Variants in FREM2 observed in about 807,000 individuals in gnomAD.
FREM2 encodes the protein FRAS1 related extracellular matrix 2, also known as FRAS1-related extracellular matrix protein 2.
Under a neutral mutation model 219.9 loss-of-function variants are expected in FREM2, and 119 were observed. The ratio of observed to expected loss-of-function variants is 0.54; its 90% CI spans 0.47 to 0.63. FREM2 has a LOEUF of 0.63. Among genes scored for constraint, FREM2 ranks in the 30% least tolerant of loss-of-function variants. The probability of loss-of-function intolerance (pLI) is 0.00; values close to 1 mark genes in which losing one functional copy is unlikely to be tolerated. For synonymous variants in FREM2, 1,562 were observed against 1,522.8 expected, an observed-to-expected ratio of 1.03 and a Z score of -0.60; for missense variants, 4,030 against 3,993.6, an observed-to-expected ratio of 1.01 and a Z score of -0.25.
intron 6 of FREM2, among the ~76,000 whole-genome samples, chr13:38,808,131 A>G (rs1875325012): frequency 6.6e-6 from 1 of 151,894 alleles, no homozygotes; most frequent in Non-Finnish European, 1.5e-5. Context: ...TTCTTTCCCT[A>G]AACCTCATGA....
chr13:38,813,543 C>G (rs1335406101), intron 6 of FREM2, among the ~76,000 whole-genome samples: 4 of 26,758 alleles, frequency 1.5e-4, no homozygotes, highest in Admixed American at 6.7e-4. Context: ...CTCTCTCTCT[C>G]TCTCTCTCTC....
chr13:38,823,332 C>A (rs1876143479), intron 6 of FREM2, among the ~76,000 whole-genome samples: 1 of 151,994 alleles, frequency 6.6e-6, no homozygotes, highest in Admixed American at 6.6e-5. Context: ...TCCACCAGAC[C>A]ATTCATCCTC....
Position 38,880,689 on chromosome 13 carries a change from A to C in FREM2, c.9412A>C (p.Lys3138Gln). 1 of 1,614,212 alleles carries C rather than the reference A, an allele frequency of 6.2e-7. No individual in the cohort carries two copies. The highest frequency in any genetic ancestry group is 8.5e-7 in the Non-Finnish European group (1 of 1,180,038). ...TVIAVLMCRG[K>Q]ESFRGKDAPK... ...CATTGCAGTGCTGATGTGCAGGGGC[A>C]AGGAAAGTTTCAGGGGGAAGGATGC... Residue 3138 changes from lysine (K) to glutamine (Q), a missense_variant, in exon 24 of 24, where the codon AAG becomes CAG. Physicochemically the swap from Lys to Gln is moderately conservative, Grantham distance 53. This residue lies in a region of FREM2 where 928 missense variants were observed against 1,042.9 expected (regional missense o/e 0.89). Transcript: ENST00000280481.
intron 22 of FREM2, 76 bp downstream of exon 22, chr13:38,878,397 A>AGGAT: frequency 2.2e-6 from 2 of 924,270 alleles, no homozygotes; most frequent in Non-Finnish European, 3.4e-6. Flanking sequence ...TTTAAAAACA[A>AGGAT]GGCTGGGCAC....
At chr13:38,837,055 T>A (rs1331823783) in intron 6 of FREM2, among the ~76,000 whole-genome samples, 3 of 152,214 alleles carry the variant, frequency 2.0e-5, no homozygotes, top group Non-Finnish European at 4.4e-5. Context: ...TTTAGACCTT[T>A]CCCGCTTTCT....
intron 6 of FREM2, among the ~76,000 whole-genome samples, chr13:38,797,589 T>C (rs1429555787): frequency 9.2e-5 from 14 of 152,152 alleles, no homozygotes; most frequent in Non-Finnish European, 1.9e-4. Context: ...TTTCCTTTGA[T>C]GTTTAGAGGC....
rs1017483603 is a variant in FREM2 at position 38,881,009 on chromosome 13, A to G, written c.*222A>G. ...TCCTCTTGCCCCAAAGGCAGCAACA[A>G]CGTACTCATATGTACACAGAGCCAT... On this transcript the variant is annotated 3_prime_UTR_variant, in exon 24 of 24. Coordinates refer to ENST00000280481, the MANE Select transcript of FREM2 (RefSeq NM_207361.6). 2.9e-5 allele frequency: 18 copies of G among 614,042 alleles called. No individual in the cohort carries two copies. Among genetic ancestry groups the G allele is most frequent in the African/African-American group, 1.6e-4 (9 of 54,804 alleles). 38.0% of individuals were successfully genotyped at this position (614,042 alleles called of 1,614,324 possible).
intron 14 of FREM2, 97 bp from the exon 15 acceptor site, chr13:38,861,334 G>A: frequency 7.8e-7 from 1 of 1,288,946 alleles, no homozygotes; most frequent in African/African-American, 1.5e-5. Flanking sequence ...GAAGTTGAAA[G>A]TACACAGAAA....
In FREM2 at chr13:38,883,075, A is replaced by G. The variant is rs988084550; in HGVS notation, c.*2288A>G. ...ATGCAGAACATTTCTATCCTATCCT[A>G]CCAAATATTTATCCTTCTCTGTCCT... is the stretch of plus-strand genomic sequence containing the variant. On this transcript the variant is annotated 3_prime_UTR_variant, in exon 24 of 24. Coordinates refer to ENST00000280481, the MANE Select transcript of FREM2 (RefSeq NM_207361.6). The G allele has an allele frequency of 6.6e-6, 1 of 152,110 alleles. No individual in the cohort carries two copies. Among genetic ancestry groups the G allele is most frequent in the African/African-American group, 2.4e-5 (1 of 41,422 alleles). The allele number at this position is 152,110 out of a possible 1,614,324, so 9.4% of individuals were successfully genotyped here. A position where few individuals can be genotyped will look rare whatever the true frequency, so the allele number is the denominator to read the frequency against.
chr13:38,690,524 G>A lies in FREM2; in HGVS notation c.3180G>A (p.Leu1060=), dbSNP rs768376752. The part of the protein sequence containing the change: ...IQGVTIWVTI[L]PVDSQAPEIF... The stretch of plus-strand genomic sequence containing the variant: ...GAGTTACTATATGGGTGACCATCCT[G>A]CCTGTTGATAGCCAGGCCCCAGAAA... Residue 1060 remains leucine (L), a synonymous_variant, in exon 1 of 24, where the codon CTG becomes CTA. Transcript: ENST00000280481. 4 of 1,614,182 alleles carry A rather than the reference G, an allele frequency of 2.5e-6. No homozygotes were observed. The South Asian group carries it at 3.3e-5, about 13-fold the overall frequency.
At position 38,689,186 on chromosome 13, in the gene FREM2, A is replaced by C; in HGVS notation, c.1842A>C (p.Gln614His). ...CTACGGGGCATCTGCTTCTCCGCCA[A>C]ACTCACCCTCCCCATGAGAAGCAGG... ...FLTTGHLLLR[Q>H]THPPHEKQEL... is the part of the protein sequence containing the mutation. Residue 614 changes from glutamine to histidine, a missense_variant, in exon 1 of 24, where the codon CAA becomes CAC. Gln to His is a conservative substitution (Grantham distance 24). Transcript: ENST00000280481. 6.2e-7 allele frequency: 1 copy of C among 1,614,030 alleles called. No individual in the cohort carries two copies. Among genetic ancestry groups the C allele is most frequent in the Non-Finnish European group, 8.5e-7 (1 of 1,180,014 alleles).
intron 11 of FREM2, among the ~76,000 whole-genome samples, chr13:38,854,764 T>C (rs181647514): frequency 1.8e-4 from 28 of 152,128 alleles, no homozygotes; most frequent in African/African-American, 6.7e-4. Context: ...AAGAAAAAAA[T>C]CTTTAAAGAT....
intron 4 of FREM2, among the ~76,000 whole-genome samples, chr13:38,771,909 C>T (rs1318211946): frequency 6.6e-6 from 1 of 152,114 alleles, no homozygotes; most frequent in Non-Finnish European, 1.5e-5. Context: ...TGAAAGAGTT[C>T]TATAAAACAT....
rs1869876307 is a variant in FREM2, at chr13:38,691,748, C to T, written c.4404C>T (p.His1468=). Residue 1468 remains histidine, a synonymous_variant, in exon 1 of 24, where the codon CAC becomes CAT. Transcript: ENST00000280481. ...TCACCAGGGCTCCCATGCGAGGTCA[C>T]CTGGAATGCACGGATCAGCCTGGTG... ...FTITRAPMRG[H]LECTDQPGVS... 9 of 1,613,952 alleles carry T rather than the reference C, an allele frequency of 5.6e-6. No homozygotes were observed. Among genetic ancestry groups the T allele is most frequent in the Non-Finnish European group, 7.6e-6 (9 of 1,179,850 alleles).
rs777527557 is a variant in FREM2 at position 38,691,659 on chromosome 13, C to G, written c.4315C>G (p.Leu1439Val). Residue 1439 changes from leucine (L) to valine (V), a missense_variant, in exon 1 of 24, where the codon CTT becomes GTT. Leu to Val is a conservative substitution (Grantham distance 32, BLOSUM62 1). This residue lies in a region of FREM2 where 3,102 missense variants were observed against 2,950.7 expected (regional missense o/e 1.05). Transcript: ENST00000280481. ...VSLKEGGKVT[L>V]TTDLLSTSDL... ...CTTGAAAGAAGGTGGCAAAGTCACT[C>G]TTACAACAGACCTACTAAGCACTAG... is the stretch of plus-strand genomic sequence containing the variant. 9 of 1,614,050 alleles carry G rather than the reference C, an allele frequency of 5.6e-6. No homozygotes were observed. The Admixed American group carries it at 8.3e-5, about 15-fold the overall frequency.
At chr13:38,866,899 A>C (rs1467007180) in intron 16 of FREM2, among the ~76,000 whole-genome samples, 1 of 152,168 alleles carries the variant, frequency 6.6e-6, no homozygotes, top group Admixed American at 6.5e-5. Context: ...TAATGTAGCA[A>C]GGCTGTTTTA....
intron 11 of FREM2, among the ~76,000 whole-genome samples, chr13:38,853,072 A>G (rs1389888424): frequency 1.3e-5 from 2 of 152,036 alleles, no homozygotes; most frequent in Non-Finnish European, 2.9e-5. Flanking sequence ...TCACACCTGT[A>G]ATCCCAGCAC....
chr13:38,690,429 G>A lies in FREM2; in HGVS notation c.3085G>A (p.Ala1029Thr), dbSNP rs1393421268. The change falls in exon 1 of 24, where the codon GCG becomes ACG. Residue 1029 changes from alanine to threonine, a missense_variant. Ala to Thr is a moderately conservative substitution (Grantham distance 58, BLOSUM62 0). Transcript: ENST00000280481. ...TGGTGAGATAGGCCTATTGCCTAAAGCGGATTCTTTTAACCTGAGTCTGTC... is the reference window on the plus strand; with the variant it reads ...TGGTGAGATAGGCCTATTGCCTAAAACGGATTCTTTTAACCTGAGTCTGTC... Reference protein sequence around the residue: ...TSGEIGLLPKADSFNLSLSDM... With the variant: ...TSGEIGLLPKTDSFNLSLSDM... 1.2e-6 allele frequency: 2 copies of A among 1,614,206 alleles called. No homozygotes were observed. The highest frequency in any genetic ancestry group is 1.7e-6 in the Non-Finnish European group (2 of 1,180,040).
chr13:38,777,692 A>G (rs1221283530), intron 4 of FREM2, among the ~76,000 whole-genome samples: 1 of 152,228 alleles, frequency 6.6e-6, no homozygotes, highest in East Asian at 1.9e-4. Flanking sequence ...TTAAAGCTCT[A>G]TGCTTACTTG....
Sources: gnomAD v4.1 joint callset for allele counts (sites outside exome capture counted in the v4.1 genomes callset) on GRCh38, gnomAD v4.1.1 for gene constraint, gnomAD v4.1.1 regional missense constraint, MANE v1.5 for transcripts, NCBI Gene and HGNC (gene_info 2026-07-23, HGNC 2026-07-21) for gene names.